SOX6: variants seen among roughly 807,000 people sequenced by gnomAD.
SOX6 encodes the protein SRY-box transcription factor 6, also known as transcription factor SOX-6.
Under a neutral mutation model 97.8 loss-of-function variants are expected in SOX6, and 11 were observed. The ratio of observed to expected loss-of-function variants is 0.11; its 90% CI spans 0.07 to 0.19. SOX6 has a LOEUF of 0.19. SOX6 is among the 10% of genes least tolerant of loss of function. SOX6 has a pLI of 1.00. For missense variants in SOX6, 810 were observed against 1,039.5 expected (o/e 0.78, Z 3.04); for synonymous variants, 360 against 371.4 (o/e 0.97, Z 0.35).
chr11:16,700,583 G>A (rs1452999934), intron 3 of SOX6, among the ~76,000 whole-genome samples: 2 of 152,122 alleles, frequency 1.3e-5, no homozygotes, highest in East Asian at 1.9e-4. Context: ...TTGGACAATG[G>A]GAAGCACATG....
rs1855113607 is a variant in SOX6 at position 16,296,976 on chromosome 11, A to C, written c.445+21470T>G. The stretch of plus-strand genomic sequence containing the variant: ...CTGTCTTCGAATTTAAAATGTGTCC[A>C]TCTTCTCAATAAGAAGAAGGAATAA... On this transcript the variant is annotated intron_variant, in intron 3 of 15. Coordinates refer to ENST00000683767, the MANE Select transcript of SOX6 (RefSeq NM_001367873.1). Among the ~76,000 whole-genome samples, 4 of 152,246 alleles carry C rather than the reference A, an allele frequency of 2.6e-5. No homozygotes were observed. The South Asian group carries it at 8.3e-4, about 32-fold the overall frequency.
At chr11:16,142,897 G>A (rs1312039021) in intron 6 of SOX6, among the ~76,000 whole-genome samples, 1 of 151,948 alleles carries the variant, frequency 6.6e-6, no homozygotes, top group Non-Finnish European at 1.5e-5. Flanking sequence ...AAAGTGATGG[G>A]GAGAATGGAA....
intron 1 of SOX6, among the ~76,000 whole-genome samples, chr11:16,462,084 A>G (rs923963770): frequency 6.6e-6 from 1 of 152,226 alleles, no homozygotes; most frequent in Non-Finnish European, 1.5e-5. Flanking sequence ...GGAAGAAAAC[A>G]TTTGCTACCA....
intron 4 of SOX6, among the ~76,000 whole-genome samples, chr11:16,603,112 T>TA (rs1411843132): frequency 2.0e-5 from 3 of 151,992 alleles, no homozygotes; most frequent in Admixed American, 6.5e-5. Flanking sequence ...TGTTTTGAAA[T>TA]AAAAAAGAGT....
At chr11:16,464,574 C>T (rs1350734944) in intron 1 of SOX6, among the ~76,000 whole-genome samples, 1 of 151,964 alleles carries the variant, frequency 6.6e-6, no homozygotes, top group Non-Finnish European at 1.5e-5. Flanking sequence ...CAAAGAGTTT[C>T]CCAACCCCCA....
chr11:16,399,811 A>G (rs979386414), intron 1 of SOX6, among the ~76,000 whole-genome samples: 2 of 151,376 alleles, frequency 1.3e-5, no homozygotes, highest in African/African-American at 4.8e-5. Flanking sequence ...AGCTTGGGGT[A>G]TTTGTTACAT....
In SOX6 at chr11:15,971,198, C is replaced by A. The variant is rs1157851629; in HGVS notation, c.*1611G>T. ...CCCATATAGGGAATGTATTCCCCTC[C>A]TTCTCCTCCCTTACAGTTTTCTTTC... On this transcript the variant is annotated 3_prime_UTR_variant, in exon 16 of 16. Coordinates refer to ENST00000683767, the MANE Select transcript of SOX6 (RefSeq NM_001367873.1). 6.5e-6 allele frequency: 1 copy of A among 152,692 alleles called. No individual in the cohort carries two copies. Among genetic ancestry groups the A allele is most frequent in the Non-Finnish European group, 1.5e-5 (1 of 68,060 alleles). The allele number at this position is 152,692 out of a possible 1,614,324, so 9.5% of individuals were successfully genotyped here.
chr11:16,580,079 G>A (rs1025068651), intron 4 of SOX6, among the ~76,000 whole-genome samples: 14 of 152,050 alleles, frequency 9.2e-5, no homozygotes, highest in Non-Finnish European at 2.1e-4. Context: ...TACTTAAGGT[G>A]TGGTTACAGC....
chr11:16,006,901 T>C (rs1407139963), intron 13 of SOX6, among the ~76,000 whole-genome samples: 2 of 151,958 alleles, frequency 1.3e-5, no homozygotes, highest in African/African-American at 4.8e-5. Flanking sequence ...AAACTGAAGA[T>C]TGGAAGGCCA....
At chr11:16,603,496 A>T (rs1422788037) in intron 4 of SOX6, among the ~76,000 whole-genome samples, 1 of 152,084 alleles carries the variant, frequency 6.6e-6, no homozygotes, top group Non-Finnish European at 1.5e-5. Context: ...CAATCAGAGC[A>T]CGGATATTAA....
chr11:16,287,560 C>T (rs1229630126), intron 3 of SOX6, among the ~76,000 whole-genome samples: 1 of 151,780 alleles, frequency 6.6e-6, no homozygotes, highest in East Asian at 1.9e-4. Flanking sequence ...TATTAAGTGC[C>T]CTAAAGTTTT....
At chr11:16,097,588 T>A (rs1238403336) in intron 8 of SOX6, 21 bp downstream of exon 8, 1 of 1,607,412 alleles carries the variant, frequency 6.2e-7, no homozygotes, top group Admixed American at 1.7e-5. Flanking sequence ...ATATCCCACA[T>A]TTTTTTCTTC....
At position 15,989,145 on chromosome 11, in the gene SOX6, T is replaced by C; in HGVS notation, c.1818A>G (p.Arg606=). 6.2e-7 allele frequency: 1 copy of C among 1,614,190 alleles called. No homozygotes were observed. Among genetic ancestry groups the C allele is most frequent in the South Asian group, 1.1e-5 (1 of 91,084 alleles). Residue 606 remains arginine (R), a synonymous_variant, in exon 14 of 16, where the codon CGA becomes CGG. Coordinates refer to ENST00000683767, the MANE Select transcript of SOX6 (RefSeq NM_001367873.1). ...PTGGATVAEA[R]VYRDARGRAS... ...CACGGCCGCGGGCGTCCCTGTAGAC[T>C]CGTGCTTCAGCCACAGTGGCACCTC...
At chr11:16,405,816 T>C (rs973585375) in intron 1 of SOX6, among the ~76,000 whole-genome samples, 3 of 152,016 alleles carry the variant, frequency 2.0e-5, no homozygotes, top group Non-Finnish European at 2.9e-5. Flanking sequence ...ATAGCACTGA[T>C]TTTTACACCA....
chr11:16,364,703 A>C (rs1857304935), intron 1 of SOX6, among the ~76,000 whole-genome samples: 1 of 152,172 alleles, frequency 6.6e-6, no homozygotes, highest in African/African-American at 2.4e-5. Flanking sequence ...AGGTAGAGCA[A>C]TTAATTGCTA....
intron 6 of SOX6, among the ~76,000 whole-genome samples, chr11:16,112,555 C>T (rs1310892287): frequency 6.6e-6 from 1 of 152,140 alleles, no homozygotes; most frequent in African/African-American, 2.4e-5. Context: ...CAGCTTTATG[C>T]ACTACCATGT....
At chr11:16,486,642 C>T (rs1209041941) in intron 4 of SOX6, among the ~76,000 whole-genome samples, 4 of 152,104 alleles carry the variant, frequency 2.6e-5, no homozygotes, top group Non-Finnish European at 1.5e-5. Context: ...GGGCGAATCA[C>T]TTGAGGTCAG....
intron 4 of SOX6, among the ~76,000 whole-genome samples, chr11:16,555,182 C>T (rs1847737014): frequency 6.6e-6 from 1 of 151,748 alleles, no homozygotes; most frequent in Non-Finnish European, 1.5e-5. Flanking sequence ...GCCTCAATGA[C>T]ACTTAAAAAA....
At chr11:16,572,572 C>G (rs1003092822) in intron 4 of SOX6, among the ~76,000 whole-genome samples, 1 of 152,050 alleles carries the variant, frequency 6.6e-6, no homozygotes, top group Non-Finnish European at 1.5e-5. Flanking sequence ...TAAAATTAAG[C>G]CTTTTCAGTT....
Sources: allele counts gnomAD v4.1 joint callset (sites outside exome capture counted in the v4.1 genomes callset), GRCh38; gene constraint gnomAD v4.1.1; transcripts MANE v1.5; gene names NCBI Gene and HGNC (gene_info 2026-07-23, HGNC 2026-07-21).